CLNK: variants seen among roughly 807,000 people sequenced by gnomAD.
CLNK encodes the protein cytokine dependent hematopoietic cell linker, also known as cytokine-dependent hematopoietic cell linker.
Under a neutral mutation model 68.6 loss-of-function variants are expected in CLNK, and 74 were observed. That is an observed-to-expected ratio of 1.08 (90% CI 0.89 to 1.31). The LOEUF is 1.31. Ranked by LOEUF, CLNK falls within the 50% of genes most tolerant of loss-of-function variation. The probability of loss-of-function intolerance (pLI) is 0.00; values close to 1 mark genes in which losing one functional copy is unlikely to be tolerated. For synonymous variants in CLNK, 198 were observed against 172.2 expected (o/e 1.15, Z -1.17); for missense variants, 553 against 515.3 (o/e 1.07, Z -0.71).
At chr4:10,680,823 C>T (rs952587446) in intron 1 of CLNK, among the ~76,000 whole-genome samples, 5 of 152,174 alleles carry the variant, frequency 3.3e-5, no homozygotes, top group Non-Finnish European at 5.9e-5. Context: ...CAAACCCACA[C>T]TATCCATGTC....
chr4:10,639,911 G>T (rs917150287), intron 2 of CLNK, among the ~76,000 whole-genome samples: 1 of 152,302 alleles, frequency 6.6e-6, no homozygotes, highest in East Asian at 1.9e-4. Context: ...CTTCCATGAC[G>T]CACATAAAGT....
intron 2 of CLNK, among the ~76,000 whole-genome samples, chr4:10,619,174 G>A (rs1032550209): frequency 6.6e-6 from 1 of 152,304 alleles, no homozygotes; most frequent in Non-Finnish European, 1.5e-5. Flanking sequence ...ATACTTGCAG[G>A]TAGGCGAACA....
intron 11 of CLNK, among the ~76,000 whole-genome samples, chr4:10,534,922 A>C (rs987470639): frequency 1.1e-4 from 17 of 152,268 alleles, no homozygotes; most frequent in African/African-American, 3.9e-4. Context: ...CTATAACCAT[A>C]CTTTCTCTTT....
At chr4:10,633,757 A>G (rs1039630968) in intron 2 of CLNK, among the ~76,000 whole-genome samples, 1 of 152,266 alleles carries the variant, frequency 6.6e-6, no homozygotes, top group African/African-American at 2.4e-5. Flanking sequence ...TCATAATGGT[A>G]ATAGAATTGG....
intron 2 of CLNK, among the ~76,000 whole-genome samples, chr4:10,626,600 G>A (rs550463618): frequency 3.9e-5 from 6 of 152,118 alleles, no homozygotes; most frequent in African/African-American, 9.6e-5. Flanking sequence ...AATAAAAATC[G>A]TATAATACAA....
intron 7 of CLNK, among the ~76,000 whole-genome samples, chr4:10,563,980 C>A (rs1431120229): frequency 6.6e-6 from 1 of 152,084 alleles, no homozygotes; most frequent in Admixed American, 6.5e-5. Context: ...TAACTGCAAT[C>A]CCAGGGGGTG....
At chr4:10,678,216 A>G (rs1019053284) in intron 1 of CLNK, among the ~76,000 whole-genome samples, 1 of 152,236 alleles carries the variant, frequency 6.6e-6, no homozygotes, top group African/African-American at 2.4e-5. Flanking sequence ...TGAATTGTAC[A>G]ACTTGAGTCT....
intron 12 of CLNK, among the ~76,000 whole-genome samples, chr4:10,530,721 G>A (rs1455167410): frequency 1.3e-5 from 2 of 152,136 alleles, no homozygotes; most frequent in African/African-American, 4.8e-5. Context: ...GTCATCGTGA[G>A]CAGCACCCAA....
chr4:10,639,620 G>C (rs1012626556), intron 2 of CLNK, among the ~76,000 whole-genome samples: 22 of 152,130 alleles, frequency 1.4e-4, no homozygotes, highest in African/African-American at 5.1e-4. Flanking sequence ...CAATATGGTA[G>C]CCATGAGTTC....
intron 4 of CLNK, among the ~76,000 whole-genome samples, chr4:10,573,048 C>T (rs952900205): frequency 6.6e-6 from 1 of 152,076 alleles, no homozygotes; most frequent in Admixed American, 6.6e-5. Flanking sequence ...AGGCTATTCT[C>T]GAACTCCTGA....
At chr4:10,637,746 C>A (rs1357794894) in intron 2 of CLNK, among the ~76,000 whole-genome samples, 7 of 148,340 alleles carry the variant, frequency 4.7e-5, no homozygotes, top group Non-Finnish European at 1.5e-5. Flanking sequence ...AGGTGCCCGC[C>A]ACCAGGCCCA....
At position 10,640,239 on chromosome 4, in the gene CLNK, A is replaced by G. The variant is rs1723257430; in HGVS notation, c.11+27620T>C. 2.6e-5 allele frequency among the ~76,000 whole-genome samples: 4 copies of G among 151,956 alleles called. No homozygotes were observed. The South Asian group carries it at 8.3e-4, about 32-fold the overall frequency. On this transcript the variant is annotated intron_variant, in intron 2 of 18. Transcript: ENST00000226951. ...GAGTGCAGTGGCACGATCTCAGCTCACTGCAACCTCAGCCTCCTCAGTTCA... is the reference window on the plus strand; with the variant it reads ...GAGTGCAGTGGCACGATCTCAGCTCGCTGCAACCTCAGCCTCCTCAGTTCA...
chr4:10,520,344 C>T (rs1440356156), intron 15 of CLNK, among the ~76,000 whole-genome samples: 1 of 152,068 alleles, frequency 6.6e-6, no homozygotes, highest in African/African-American at 2.4e-5. Context: ...TTGTTTTGCA[C>T]CCAATGGATT....
intron 2 of CLNK, among the ~76,000 whole-genome samples, chr4:10,601,141 G>C (rs1185075556): frequency 6.6e-6 from 1 of 152,220 alleles, no homozygotes; most frequent in East Asian, 1.9e-4. Flanking sequence ...GGACCCTAGA[G>C]TGGAGAGCAT....
chr4:10,560,931 C>T (rs1198379365), intron 7 of CLNK, among the ~76,000 whole-genome samples: 1 of 151,952 alleles, frequency 6.6e-6, no homozygotes, highest in African/African-American at 2.4e-5. Flanking sequence ...AGGTCTTGTT[C>T]TGTCACCCAG....
chr4:10,490,685 G>C (rs1462307024), intron 18 of CLNK, 72 bp from the exon 19 acceptor site: 2 of 1,300,190 alleles, frequency 1.5e-6, no homozygotes, highest in Non-Finnish European at 2.1e-6. Context: ...TATAGCCAAG[G>C]TGCTTCATTT....
chr4:10,625,508 A>G (rs980471569), intron 2 of CLNK, among the ~76,000 whole-genome samples: 1 of 152,176 alleles, frequency 6.6e-6, no homozygotes, highest in African/African-American at 2.4e-5. Context: ...TGGTTATTGT[A>G]CTACAGGCGT....
chr4:10,726,785 T>A, the CLNK span, among the ~76,000 whole-genome samples: 3 of 152,264 alleles, frequency 2.0e-5, no homozygotes, highest in South Asian at 6.2e-4. Flanking sequence ...ATAAACCACA[T>A]GGTTTAGAAT....
At chr4:10,724,758 G>A in the CLNK span, among the ~76,000 whole-genome samples, 6 of 152,182 alleles carry the variant, frequency 3.9e-5, no homozygotes, top group Admixed American at 1.3e-4. Context: ...AAAAGCAGGA[G>A]CAGGTACAGC....
Sources: gnomAD v4.1 joint callset for allele counts (sites outside exome capture counted in the v4.1 genomes callset) on GRCh38, gnomAD v4.1.1 for gene constraint, MANE v1.5 for transcripts, NCBI Gene and HGNC (gene_info 2026-07-23, HGNC 2026-07-21) for gene names.